FAM169A: variants seen among roughly 807,000 people sequenced by gnomAD.
FAM169A encodes the protein soluble lamin-associated protein of 75 kDa.
Under a neutral mutation model 75.7 loss-of-function variants are expected in FAM169A, and 24 were observed. The observed-to-expected ratio is 0.32, with a 90% confidence interval of 0.23 to 0.45. The LOEUF (loss-of-function observed/expected upper bound fraction) is 0.45. FAM169A is among the 20% of genes least tolerant of loss of function. FAM169A has a pLI of 1.00. For synonymous variants in FAM169A, 271 were observed against 271.0 expected (o/e 1.00, Z 0.00); for missense variants, 673 against 784.0 (o/e 0.86, Z 1.69).
chr5:74,802,368 T>C lies in FAM169A; in HGVS notation c.913-739A>G, dbSNP rs145116841. The stretch of plus-strand genomic sequence containing the variant: ...CAAAGTGATACTTTCGAATCACAAA[T>C]TGTACCATTTTTTTGATAAAAAAAA... On this transcript the variant is annotated intron_variant, in intron 8 of 12. Transcript: ENST00000687041. Among the ~76,000 whole-genome samples the C allele has an allele frequency of 2.8e-3, 430 of 152,104 alleles. 4 individuals are homozygous for C. The highest frequency in any genetic ancestry group is 4.5e-3 in the Non-Finnish European group (309 of 67,970).
intron 5 of FAM169A, among the ~76,000 whole-genome samples, chr5:74,815,006 A>G (rs1331981544): frequency 6.6e-6 from 1 of 152,214 alleles, no homozygotes; most frequent in Admixed American, 6.5e-5. Context: ...CTTACCAATC[A>G]TATCATTTAA....
At chr5:74,799,822 G>A (rs1181088034) in intron 10 of FAM169A, 32 of 1,069,704 alleles carry the variant, frequency 3.0e-5, no homozygotes, top group Middle Eastern at 2.2e-4. Flanking sequence ...TACGATGACC[G>A]TGGCTGCCTG....
chr5:74,787,568 G>A (rs2112474081), intron 11 of FAM169A, among the ~76,000 whole-genome samples: 1 of 152,308 alleles, frequency 6.6e-6, no homozygotes. Context: ...ACTCTTCTCT[G>A]TATGCCAAAT....
At position 74,813,883 on chromosome 5, in the gene FAM169A, A is replaced by G. The variant is rs1224294677; in HGVS notation, c.627T>C (p.Asp209=). The G allele has an allele frequency of 6.2e-7, 1 of 1,604,378 alleles. No individual in the cohort carries two copies. The highest frequency in any genetic ancestry group is 8.5e-7 in the Non-Finnish European group (1 of 1,177,582). The part of the protein sequence containing the change: ...LEDFVDSFTE[D]ALGLRYPLSS... The stretch of plus-strand genomic sequence containing the variant: ...ACAGTGGATACCGCAAGCCAAGCGC[A>G]TCTTCTGTAAAGGAATCAACAAAGT... Residue 209 remains aspartate, a synonymous_variant, in exon 6 of 13, where the codon GAT becomes GAC. Coordinates refer to ENST00000687041, the MANE Select transcript of FAM169A (RefSeq NM_001376049.1).
chr5:74,846,173 G>C (rs1413097509), intron 1 of FAM169A, among the ~76,000 whole-genome samples: 1 of 152,314 alleles, frequency 6.6e-6, no homozygotes, highest in East Asian at 1.9e-4. Context: ...TCATTGGCTA[G>C]ATGAGGCTCA....
rs1314132571 is a variant in FAM169A, at chr5:74,777,676, T to C, written c.*3784A>G. On this transcript the variant is annotated 3_prime_UTR_variant, in exon 13 of 13. Coordinates refer to ENST00000687041, the MANE Select transcript of FAM169A (RefSeq NM_001376049.1). ...CAAAGTCATTCAATGTCTAAACAAA[T>C]TCAGTATCTGAAACATCTTCATGAG... 1 of 152,004 alleles carries C rather than the reference T, an allele frequency of 6.6e-6. No individual in the cohort carries two copies. The highest frequency in any genetic ancestry group is 1.5e-5 in the Non-Finnish European group (1 of 67,920). 9.4% of individuals were successfully genotyped at this position (152,004 alleles called of 1,614,324 possible).
In FAM169A at chr5:74,779,286, A is replaced by G. The variant is rs998478212; in HGVS notation, c.*2174T>C. 1.3e-5 allele frequency: 2 copies of G among 152,186 alleles called. No homozygotes were observed. The highest frequency in any genetic ancestry group is 1.9e-4 in the East Asian group (1 of 5,198). The allele number at this position is 152,186 out of a possible 1,614,324, so 9.4% of individuals were successfully genotyped here. On this transcript the variant is annotated 3_prime_UTR_variant, in exon 13 of 13. Transcript: ENST00000687041. The stretch of plus-strand genomic sequence containing the variant: ...GTGAGCTCAATCTTTAAAAAACTAC[A>G]CTTGTCTAAAGAAAGTCTTTTAGTG...
At chr5:74,818,795 CTCTCTCTCTA>C (rs1213100804) in intron 5 of FAM169A, among the ~76,000 whole-genome samples, 1,862 of 139,856 alleles carry the variant, frequency 0.013, 35 homozygotes, top group African/African-American at 0.049. Flanking sequence ...CTCTCTCTCT[CTCTCTCTCTA>C]TATATATATA....
chr5:74,804,694 GAGC>G, intron 7 of FAM169A, 89 bp from the exon 8 acceptor site: 1 of 688,954 alleles, frequency 1.5e-6, no homozygotes, highest in Non-Finnish European at 2.4e-6. Flanking sequence ...AAGCTCTGAA[GAGC>G]AGCCTGGACA....
At chr5:74,812,391 T>G (rs948697758) in intron 6 of FAM169A, among the ~76,000 whole-genome samples, 5 of 151,644 alleles carry the variant, frequency 3.3e-5, no homozygotes, top group African/African-American at 1.2e-4. Flanking sequence ...GCTCCTAAAG[T>G]GCTAGAATTA....
At chr5:74,815,547 A>G (rs1747428011) in intron 5 of FAM169A, among the ~76,000 whole-genome samples, 1 of 152,156 alleles carries the variant, frequency 6.6e-6, no homozygotes, top group Admixed American at 6.6e-5. Flanking sequence ...GATTTCTTGT[A>G]CAAATCTAAC....
intron 5 of FAM169A, among the ~76,000 whole-genome samples, chr5:74,819,048 G>A (rs982858554): frequency 4.6e-5 from 7 of 151,958 alleles, no homozygotes; most frequent in South Asian, 4.2e-4. Flanking sequence ...GGCAAAACCC[G>A]TCTCCACTAA....
intron 12 of FAM169A, 143 bp downstream of exon 12, chr5:74,782,788 A>G: frequency 1.9e-6 from 1 of 519,498 alleles, no homozygotes; most frequent in Non-Finnish European, 3.4e-6. Context: ...ATTTTCTTAT[A>G]ATATCAAATC....
At chr5:74,825,522 A>C (rs561769301) in intron 5 of FAM169A, among the ~76,000 whole-genome samples, 2 of 152,270 alleles carry the variant, frequency 1.3e-5, no homozygotes, top group East Asian at 3.9e-4. Flanking sequence ...TTTCTCTCTT[A>C]GTTTCCTAAT....
At chr5:74,788,425 G>A (rs538745371) in intron 11 of FAM169A, among the ~76,000 whole-genome samples, 50 of 152,270 alleles carry the variant, frequency 3.3e-4, no homozygotes, top group African/African-American at 1.2e-3. Context: ...AGTCAATCAG[G>A]CCGGGGGCGG....
chr5:74,799,282 C>T (rs1305742281), intron 10 of FAM169A: 2 of 1,555,858 alleles, frequency 1.3e-6, no homozygotes. Flanking sequence ...GAGAATTAAT[C>T]GCACAGCTAC....
Position 74,836,675 on chromosome 5 carries a change from T to G in FAM169A, c.319-2078A>C, listed in dbSNP as rs572715705. On this transcript the variant is annotated intron_variant, in intron 4 of 12. Coordinates refer to ENST00000687041, the MANE Select transcript of FAM169A (RefSeq NM_001376049.1). ...TTTAAGAGGGAACGTAGGCCAGGAG[T>G]GGTGGCTCACACCTGTAATCCCAGC... 1.1e-4 allele frequency among the ~76,000 whole-genome samples: 16 copies of G among 151,976 alleles called. No individual in the cohort carries two copies. The South Asian group carries it at 3.1e-3, about 30-fold the overall frequency.
chr5:74,826,522 T>C (rs914977334), intron 5 of FAM169A, among the ~76,000 whole-genome samples: 1 of 152,208 alleles, frequency 6.6e-6, no homozygotes. Context: ...CATGTAGCCA[T>C]AAAATAATTT....
At chr5:74,822,409 A>C (rs1747809601) in intron 5 of FAM169A, among the ~76,000 whole-genome samples, 1 of 152,244 alleles carries the variant, frequency 6.6e-6, no homozygotes, top group African/African-American at 2.4e-5. Context: ...ACTAGAATAT[A>C]GAAAATGAAC....
Sources: gnomAD v4.1 joint callset for allele counts (sites outside exome capture counted in the v4.1 genomes callset) on GRCh38, gnomAD v4.1.1 for gene constraint, MANE v1.5 for transcripts, NCBI Gene and HGNC (gene_info 2026-07-23, HGNC 2026-07-21) for gene names.